Variants in SLC36A1 observed in about 807,000 individuals in gnomAD.
The protein encoded by SLC36A1 is proton-coupled amino acid transporter 1.
SLC36A1 carries 30 observed loss-of-function variants against 47.5 expected under a neutral mutation model. That is an observed-to-expected ratio of 0.63 (90% CI 0.47 to 0.86). SLC36A1 has a LOEUF of 0.86. Ranked by LOEUF, SLC36A1 falls within the 40% of genes least tolerant of loss-of-function variation. The pLI is 0.00. For synonymous variants in SLC36A1, 255 were observed against 249.7 expected (o/e 1.02, Z -0.20); for missense variants, 517 against 606.0 (o/e 0.85, Z 1.54).
intron 7 of SLC36A1, among the ~76,000 whole-genome samples, chr5:151,468,341 A>ACG (rs201871432): frequency 2.5e-4 from 13 of 52,512 alleles, no homozygotes; most frequent in Non-Finnish European, 4.5e-4. Context: ...ATTATATTTT[A>ACG]TATATATTAC....
the SLC36A1 span, among the ~76,000 whole-genome samples, chr5:151,385,009 AGT>A: frequency 0.014 from 1,765 of 128,392 alleles, 32 homozygotes; most frequent in African/African-American, 0.05. Context: ...AGAGAGAGAG[AGT>A]GTGTGTGTGT....
chr5:151,347,131 C>T, the SLC36A1 span, among the ~76,000 whole-genome samples: 1 of 152,176 alleles, frequency 6.6e-6, no homozygotes, highest in African/African-American at 2.4e-5. Flanking sequence ...TTCTGACAGC[C>T]TTTACTTCTG....
intron 10 of SLC36A1, among the ~76,000 whole-genome samples, chr5:151,482,795 G>A (rs956620810): frequency 1.5e-4 from 23 of 152,080 alleles, no homozygotes; most frequent in African/African-American, 5.3e-4. Context: ...TTTGTATACT[G>A]TCCAAGACTA....
the SLC36A1 span, among the ~76,000 whole-genome samples, chr5:151,427,649 TACTC>T: frequency 6.6e-6 from 1 of 152,232 alleles, no homozygotes; most frequent in African/African-American, 2.4e-5. Flanking sequence ...TGGCCATACA[TACTC>T]ACACCCTGCC....
At chr5:151,383,762 G>A in the SLC36A1 span, among the ~76,000 whole-genome samples, 1 of 151,808 alleles carries the variant, frequency 6.6e-6, no homozygotes, top group African/African-American at 2.4e-5. Flanking sequence ...TAGTAGAGAC[G>A]GGGTTTCACC....
upstream of SLC36A1, among the ~76,000 whole-genome samples, chr5:151,433,247 T>C (rs1270504876): frequency 1.5e-3 from 21 of 14,426 alleles, no homozygotes; most frequent in African/African-American, 5.3e-3. Context: ...TATATATATA[T>C]ATATATATAT....
At chr5:151,485,532 A>G (rs1759397169) in intron 10 of SLC36A1, among the ~76,000 whole-genome samples, 1 of 152,086 alleles carries the variant, frequency 6.6e-6, no homozygotes, top group African/African-American at 2.4e-5. Context: ...CCTTCCACTG[A>G]TCCGCCAGAC....
At chr5:151,388,868 T>G in the SLC36A1 span, among the ~76,000 whole-genome samples, 1 of 152,180 alleles carries the variant, frequency 6.6e-6, no homozygotes, top group South Asian at 2.1e-4. Context: ...AATGCAGATA[T>G]ACTCTTTACC....
At chr5:151,532,260 T>C in the SLC36A1 span, among the ~76,000 whole-genome samples, 2 of 152,158 alleles carry the variant, frequency 1.3e-5, no homozygotes, top group Non-Finnish European at 2.9e-5. Flanking sequence ...TAATGAAAAA[T>C]ATGCAGATAA....
the SLC36A1 span, chr5:151,551,746 TTC>T: frequency 1.3e-6 from 1 of 766,466 alleles, no homozygotes; most frequent in South Asian, 2.6e-5. Context: ...TTGTAGTTTA[TTC>T]TCCCAGGGAG....
the SLC36A1 span, chr5:151,521,647 C>T: frequency 1.1e-5 from 17 of 1,613,924 alleles, no homozygotes; most frequent in Middle Eastern, 3.3e-4. Context: ...CTGCAGGTTC[C>T]GCCAGTGGTC....
the SLC36A1 span, among the ~76,000 whole-genome samples, chr5:151,432,028 C>G: frequency 6.6e-6 from 1 of 152,128 alleles, no homozygotes; most frequent in Admixed American, 6.5e-5. Flanking sequence ...GATAAATGGG[C>G]TTCTCCACCG....
chr5:151,358,664 T>C, the SLC36A1 span, among the ~76,000 whole-genome samples: 69 of 152,170 alleles, frequency 4.5e-4, no homozygotes, highest in African/African-American at 1.5e-3. Flanking sequence ...GACAACCGCC[T>C]GGGAAGCTGG....
At chr5:151,551,567 G>A in the SLC36A1 span, 15 of 1,614,100 alleles carry the variant, frequency 9.3e-6, no homozygotes, top group African/African-American at 1.6e-4. Context: ...GATGCTGCCT[G>A]TGGTCTTCTC....
Position 151,479,389 on chromosome 5 carries a change from C to G in SLC36A1, c.1059C>G (p.Val353=). The G allele has an allele frequency of 6.2e-7, 1 of 1,614,248 alleles. No homozygotes were observed. The highest frequency in any genetic ancestry group is 8.5e-7 in the Non-Finnish European group (1 of 1,180,040). ...TCACCTACGCACTCCAGTTCTACGT[C>G]CCGGCTGAGATCATCATCCCCTTCT... ...IFFTYALQFY[V]PAEIIIPFFV... The change falls in exon 10 of 11, where the codon GTC becomes GTG. Residue 353 remains valine, a synonymous_variant. Transcript: ENST00000243389.
chr5:151,418,871 C>A, the SLC36A1 span, among the ~76,000 whole-genome samples: 1 of 152,108 alleles, frequency 6.6e-6, no homozygotes, highest in Non-Finnish European at 1.5e-5. Flanking sequence ...CAGATCTCAT[C>A]CTGAGTTGTA....
the SLC36A1 span, among the ~76,000 whole-genome samples, chr5:151,422,699 G>T: frequency 6.6e-6 from 1 of 152,088 alleles, no homozygotes; most frequent in Non-Finnish European, 1.5e-5. Flanking sequence ...CTACACTTGA[G>T]TCTGGGTGAC....
At chr5:151,444,042 C>T (rs1303532491), upstream of SLC36A1, among the ~76,000 whole-genome samples, 1 of 152,128 alleles carries the variant, frequency 6.6e-6, no homozygotes, top group Non-Finnish European at 1.5e-5. Context: ...GTTTTTGTGC[C>T]AGTACTATAC....
chr5:151,503,918 C>A, the SLC36A1 span, among the ~76,000 whole-genome samples: 4 of 152,034 alleles, frequency 2.6e-5, no homozygotes, highest in African/African-American at 9.7e-5. Flanking sequence ...CTGGGCCCCA[C>A]CCCCAGAAGT....
Sources: gnomAD v4.1 joint callset for allele counts (sites outside exome capture counted in the v4.1 genomes callset) on GRCh38, gnomAD v4.1.1 for gene constraint, MANE v1.5 for transcripts, NCBI Gene and HGNC (gene_info 2026-07-23, HGNC 2026-07-21) for gene names.